Variants in RBM47 observed in about 807,000 individuals in gnomAD.
RBM47 encodes RNA binding motif protein 47, also known as RNA-binding protein 47.
A neutral mutation model predicts 47.1 loss-of-function variants in RBM47; 21 were observed. The observed-to-expected ratio is 0.45, with a 90% CI of 0.32 to 0.64. The LOEUF (loss-of-function observed/expected upper bound fraction) is 0.64. Among genes scored for constraint, RBM47 ranks in the 30% least tolerant of loss-of-function variants. The probability of loss-of-function intolerance (pLI) is 0.05; values close to 1 mark genes in which losing one functional copy is unlikely to be tolerated. For missense variants in RBM47, 708 were observed against 870.9 expected, an observed-to-expected ratio of 0.81 and a Z score of 2.35; for synonymous variants, 375 against 361.7, an observed-to-expected ratio of 1.04 and a Z score of -0.42.
At chr4:40,523,851 T>A (rs575184515) in intron 2 of RBM47, among the ~76,000 whole-genome samples, 1 of 130,874 alleles carries the variant, frequency 7.6e-6, no homozygotes. Flanking sequence ...GGTGACAGAG[T>A]GAGCCCTGTC....
chr4:40,598,117 G>T (rs1169168758), intron 1 of RBM47, among the ~76,000 whole-genome samples: 1 of 152,132 alleles, frequency 6.6e-6, no homozygotes, highest in East Asian at 1.9e-4. Flanking sequence ...CAAAAGATTA[G>T]AAACAATTTC....
intron 1 of RBM47, among the ~76,000 whole-genome samples, chr4:40,561,226 T>C (rs1008990197): frequency 7.1e-6 from 1 of 140,284 alleles, no homozygotes; most frequent in Non-Finnish European, 1.5e-5. Flanking sequence ...TTTTCCATTG[T>C]CTTTTTTTTT....
intron 1 of RBM47, among the ~76,000 whole-genome samples, chr4:40,554,207 T>C (rs1199519498): frequency 1.3e-5 from 2 of 152,112 alleles, no homozygotes; most frequent in African/African-American, 4.8e-5. Flanking sequence ...GTCCCAATGA[T>C]AACTTCCTAT....
At chr4:40,426,729 AT>A (rs35156580) in intron 6 of RBM47, 16,384 of 152,268 alleles carry the variant, frequency 0.11, 1,174 homozygotes, top group South Asian at 0.17. Flanking sequence ...GTTATATCGT[AT>A]TTTGACATTT....
chr4:40,586,891 C>T (rs1199630447), intron 1 of RBM47, among the ~76,000 whole-genome samples: 1 of 152,074 alleles, frequency 6.6e-6, no homozygotes, highest in Non-Finnish European at 1.5e-5. Context: ...TTCACAACAG[C>T]TGTGTGCAGG....
intron 1 of RBM47, among the ~76,000 whole-genome samples, chr4:40,560,965 GAA>G (rs78803844): frequency 1.6e-4 from 21 of 133,988 alleles, no homozygotes; most frequent in Admixed American, 3.0e-4. Flanking sequence ...CTCCTTCTCG[GAA>G]AAAAAAAAAA....
rs567982559 is a variant in RBM47 at position 40,627,898 on chromosome 4, T to TA, written c.-240+1497dup. On this transcript the variant is annotated intron_variant, in intron 1 of 6. Coordinates refer to ENST00000295971, the MANE Select transcript of RBM47 (RefSeq NM_001098634.2). ...TGACTATTAAAAATATAGAGATTGG[T>TA]AAAAAAAATGATGATGATGAATTCT... 1.0e-3 allele frequency among the ~76,000 whole-genome samples: 152 copies of TA among 151,998 alleles called. 1 individual carries two copies. The highest frequency in any genetic ancestry group is 1.9e-3 in the Non-Finnish European group (126 of 67,956).
In RBM47 at chr4:40,478,079, G is replaced by A. The variant is rs538653978; in HGVS notation, c.-154-11380C>T. Among the ~76,000 whole-genome samples the A allele has an allele frequency of 1.3e-3, 198 of 147,894 alleles. 1 individual carries two copies. Among genetic ancestry groups the A allele is most frequent in the South Asian group, 0.011 (52 of 4,678 alleles). On this transcript the variant is annotated intron_variant, in intron 2 of 6. Transcript: ENST00000295971. ...TACCCAGGCTGGAGTGCAGTGGCGC[G>A]ATCTTGGCTCACCGCAACCTCCGCC...
intron 1 of RBM47, among the ~76,000 whole-genome samples, chr4:40,603,049 C>T (rs575165424): frequency 6.6e-6 from 1 of 151,970 alleles, no homozygotes; most frequent in African/African-American, 2.4e-5. Context: ...TTGAAGAGTA[C>T]TCCTCAGTCA....
At chr4:40,619,165 A>G (rs1219056205) in intron 1 of RBM47, among the ~76,000 whole-genome samples, 3 of 152,292 alleles carry the variant, frequency 2.0e-5, no homozygotes, top group Non-Finnish European at 4.4e-5. Flanking sequence ...GCAGTGGCTC[A>G]CACCTGTAAT....
rs748709342 is a variant in RBM47, at chr4:40,438,801, G to T, written c.93C>A (p.Asn31Lys). The T allele has an allele frequency of 6.5e-7, 1 of 1,546,834 alleles. No homozygotes were observed. The highest frequency in any genetic ancestry group is 8.7e-7 in the Non-Finnish European group (1 of 1,151,142). Residue 31 changes from asparagine to lysine, a missense_variant, in exon 4 of 7, where the codon AAC becomes AAA. Coordinates refer to ENST00000295971, the MANE Select transcript of RBM47 (RefSeq NM_001098634.2). Reference protein sequence around the residue: ...KVPEGVAGAPNEAALLALMER... With the variant: ...KVPEGVAGAPKEAALLALMER... Reference sequence around the variant, plus strand: ...CCATCAGCGCCAGCAGTGCTGCCTCGTTGGGCGCGCCCGCCACGCCCTCGG... The same window carrying T: ...CCATCAGCGCCAGCAGTGCTGCCTCTTTGGGCGCGCCCGCCACGCCCTCGG...
At chr4:40,564,863 T>C (rs1261462293) in intron 1 of RBM47, among the ~76,000 whole-genome samples, 1 of 152,198 alleles carries the variant, frequency 6.6e-6, no homozygotes, top group African/African-American at 2.4e-5. Flanking sequence ...AACACCAGTC[T>C]TGTGGTCCTC....
chr4:40,540,965 C>A (rs1728475295), intron 2 of RBM47, among the ~76,000 whole-genome samples: 1 of 151,836 alleles, frequency 6.6e-6, no homozygotes, highest in African/African-American at 2.4e-5. Flanking sequence ...AAATAAACAT[C>A]TCAAAGAAAG....
intron 2 of RBM47, among the ~76,000 whole-genome samples, chr4:40,486,006 A>T (rs59477996): frequency 0.024 from 3,588 of 147,390 alleles, 147 homozygotes; most frequent in African/African-American, 0.083. Context: ...GGAAGCTCCA[A>T]CTGTAGTGAG....
chr4:40,457,574 G>T (rs969796371), intron 3 of RBM47, among the ~76,000 whole-genome samples: 2 of 152,000 alleles, frequency 1.3e-5, no homozygotes, highest in Non-Finnish European at 2.9e-5. Flanking sequence ...GGGATTACAG[G>T]TGCATACCAC....
intron 2 of RBM47, among the ~76,000 whole-genome samples, chr4:40,538,530 T>C (rs1728196261): frequency 6.6e-6 from 1 of 152,174 alleles, no homozygotes; most frequent in Non-Finnish European, 1.5e-5. Flanking sequence ...TTTCACTACG[T>C]TGGCCAGGAT....
chr4:40,494,263 T>C (rs1722279697), intron 2 of RBM47, among the ~76,000 whole-genome samples: 1 of 152,232 alleles, frequency 6.6e-6, no homozygotes, highest in South Asian at 2.1e-4. Flanking sequence ...GAGGTTTTCT[T>C]ACTCTTGAAA....
At chr4:40,500,985 A>G (rs1723279509) in intron 2 of RBM47, among the ~76,000 whole-genome samples, 1 of 152,122 alleles carries the variant, frequency 6.6e-6, no homozygotes, top group Admixed American at 6.6e-5. Flanking sequence ...AATATCTGCA[A>G]GTCAATATTT....
chr4:40,569,622 G>A (rs941875020), intron 1 of RBM47, among the ~76,000 whole-genome samples: 1 of 151,796 alleles, frequency 6.6e-6, no homozygotes, highest in African/African-American at 2.4e-5. Flanking sequence ...TGTTAGCCAG[G>A]ACGGTCTCTA....
Sources: allele counts gnomAD v4.1 joint callset (sites outside exome capture counted in the v4.1 genomes callset), GRCh38; gene constraint gnomAD v4.1.1; transcripts MANE v1.5; gene names NCBI Gene and HGNC (gene_info 2026-07-23, HGNC 2026-07-21).